The following KCNH7 variants were observed in gnomAD, a reference collection of about 807,000 sequenced individuals.
The protein encoded by KCNH7 is voltage-gated inwardly rectifying potassium channel KCNH7.
Under a neutral mutation model 120.8 loss-of-function variants are expected in KCNH7, and 49 were observed. The observed-to-expected ratio is 0.41, with a 90% CI of 0.32 to 0.51. The LOEUF is 0.51. Among genes scored for constraint, KCNH7 ranks in the 20% least tolerant of loss-of-function variants. The pLI is 0.38. For missense variants in KCNH7, 1,097 were observed against 1,446.6 expected, an observed-to-expected ratio of 0.76 and a Z score of 3.92; for synonymous variants, 547 against 516.1, an observed-to-expected ratio of 1.06 and a Z score of -0.81.
At chr2:162,603,840 C>A (rs1311345923) in intron 2 of KCNH7, among the ~76,000 whole-genome samples, 1 of 151,988 alleles carries the variant, frequency 6.6e-6, no homozygotes, top group African/African-American at 2.4e-5. Flanking sequence ...GCTTACTATA[C>A]CTTAATAAAC....
intron 8 of KCNH7, among the ~76,000 whole-genome samples, chr2:162,434,040 A>C (rs940366926): frequency 6.6e-6 from 1 of 152,102 alleles, no homozygotes; most frequent in Non-Finnish European, 1.5e-5. Context: ...ATGGACTACT[A>C]TGCAGCCATA....
chr2:162,697,042 A>G (rs890577035), intron 2 of KCNH7, among the ~76,000 whole-genome samples: 2 of 152,190 alleles, frequency 1.3e-5, no homozygotes, highest in East Asian at 3.8e-4. Flanking sequence ...GTCTCTTTAT[A>G]AAACTATTTC....
chr2:162,471,876 T>G (rs761972258), intron 6 of KCNH7, among the ~76,000 whole-genome samples: 1 of 151,966 alleles, frequency 6.6e-6, no homozygotes, highest in Non-Finnish European at 1.5e-5. Flanking sequence ...CATGGTACTC[T>G]TACCAAAACA....
chr2:162,716,432 T>C (rs765101396), intron 2 of KCNH7, among the ~76,000 whole-genome samples: 12 of 152,194 alleles, frequency 7.9e-5, no homozygotes, highest in Non-Finnish European at 1.3e-4. Context: ...TTTAAACAGA[T>C]AGCATTTTCT....
intron 9 of KCNH7, among the ~76,000 whole-genome samples, chr2:162,422,892 A>G (rs925940381): frequency 5.3e-5 from 8 of 152,168 alleles, no homozygotes; most frequent in East Asian, 1.9e-4. Flanking sequence ...GACCTCTCCT[A>G]TAAGTTTTCA....
chr2:162,793,140 G>A (rs976268458), intron 2 of KCNH7, among the ~76,000 whole-genome samples: 11 of 151,898 alleles, frequency 7.2e-5, no homozygotes, highest in Non-Finnish European at 1.0e-4. Flanking sequence ...GATCACGTAC[G>A]TTGCAAGGAC....
At chr2:162,541,700 T>C (rs1314440255) in intron 2 of KCNH7, among the ~76,000 whole-genome samples, 1 of 151,944 alleles carries the variant, frequency 6.6e-6, no homozygotes, top group Non-Finnish European at 1.5e-5. Context: ...AGGCGGGGGA[T>C]CGGGGAAAGG....
At chr2:162,540,371 A>G (rs1337479203) in intron 2 of KCNH7, among the ~76,000 whole-genome samples, 4 of 152,104 alleles carry the variant, frequency 2.6e-5, no homozygotes, top group Non-Finnish European at 5.9e-5. Context: ...TTTTAATAAA[A>G]TTTTTAGAGT....
intron 6 of KCNH7, among the ~76,000 whole-genome samples, chr2:162,481,776 T>G (rs909927938): frequency 3.9e-5 from 6 of 152,222 alleles, no homozygotes; most frequent in Non-Finnish European, 7.3e-5. Context: ...ATGCTGAGAA[T>G]GTACTGCATG....
At chr2:162,678,395 A>G (rs1426253104) in intron 2 of KCNH7, among the ~76,000 whole-genome samples, 1 of 151,420 alleles carries the variant, frequency 6.6e-6, no homozygotes, top group Non-Finnish European at 1.5e-5. Flanking sequence ...ATGGAGCTCA[A>G]AATCCAACCA....
chr2:162,483,211 T>G (rs1689986025), intron 6 of KCNH7, among the ~76,000 whole-genome samples: 1 of 152,188 alleles, frequency 6.6e-6, no homozygotes, highest in Non-Finnish European at 1.5e-5. Context: ...GTGCATATAT[T>G]AAAATAATGC....
intron 3 of KCNH7, among the ~76,000 whole-genome samples, chr2:162,533,464 C>T (rs187382515): frequency 6.6e-6 from 1 of 151,406 alleles, no homozygotes; most frequent in African/African-American, 2.4e-5. Flanking sequence ...AGGCAAATGA[C>T]TAAAAGATGA....
At chr2:162,518,247 C>A in intron 3 of KCNH7, 89 bp from the exon 4 acceptor site, 1 of 959,490 alleles carries the variant, frequency 1.0e-6, no homozygotes, top group South Asian at 1.7e-5. Context: ...TATTTAAACA[C>A]CATGTAAAAA....
At chr2:162,464,907 T>C (rs1171499750) in intron 6 of KCNH7, among the ~76,000 whole-genome samples, 2 of 152,058 alleles carry the variant, frequency 1.3e-5, no homozygotes, top group African/African-American at 4.8e-5. Context: ...CAAAGTTTTG[T>C]AAAATTAAAA....
At chr2:162,402,538 A>C (rs1273569280) in intron 9 of KCNH7, among the ~76,000 whole-genome samples, 1 of 151,328 alleles carries the variant, frequency 6.6e-6, no homozygotes, top group Admixed American at 6.6e-5. Context: ...GTCTCTGAAT[A>C]ATTCTAAGTA....
intron 2 of KCNH7, among the ~76,000 whole-genome samples, chr2:162,557,845 T>C (rs2105871512): frequency 6.6e-6 from 1 of 152,256 alleles, no homozygotes; most frequent in African/African-American, 2.4e-5. Flanking sequence ...AGAACAGAGG[T>C]ATGCAGAATA....
chr2:162,408,170 ATAGT>A lies in KCNH7; in HGVS notation c.2155-7733_2155-7730del, dbSNP rs1220471804. Among the ~76,000 whole-genome samples, 16 of 152,190 alleles carry A rather than the reference ATAGT, an allele frequency of 1.1e-4. No individual in the cohort carries two copies. In the South Asian group the frequency reaches 2.5e-3, roughly 24 times the overall value. On this transcript the variant is annotated intron_variant, in intron 9 of 15. Transcript: ENST00000332142. ...TTGGCTTTCTAAAGTTGCTAAAAGA[ATAGT>A]TAGACATAAAATGTTTCCCATTCAT...
chr2:162,475,062 C>G (rs1472033377), intron 6 of KCNH7, among the ~76,000 whole-genome samples: 4 of 152,324 alleles, frequency 2.6e-5, no homozygotes, highest in African/African-American at 9.6e-5. Context: ...TGTGGGGTAA[C>G]AAAGGCTTGT....
At chr2:162,571,852 G>A (rs2105900116) in intron 2 of KCNH7, among the ~76,000 whole-genome samples, 1 of 151,678 alleles carries the variant, frequency 6.6e-6, no homozygotes, top group South Asian at 2.1e-4. Context: ...TATGTAGAAA[G>A]CTGAAACTGG....
Sources: gnomAD v4.1 joint callset for allele counts (sites outside exome capture counted in the v4.1 genomes callset) on GRCh38, gnomAD v4.1.1 for gene constraint, MANE v1.5 for transcripts, NCBI Gene and HGNC (gene_info 2026-07-23, HGNC 2026-07-21) for gene names.